Variants in ATP8A1 observed in about 807,000 individuals in gnomAD.
The protein encoded by ATP8A1 is ATPase phospholipid transporting 8A1.
ATP8A1 carries 90 observed loss-of-function variants against 177.7 expected under a neutral mutation model. The ratio of observed to expected loss-of-function variants is 0.51; its 90% CI spans 0.43 to 0.60. The LOEUF is 0.60. Among genes scored for constraint, ATP8A1 ranks in the 20% least tolerant of loss-of-function variants. ATP8A1 has a pLI of 0.00. For synonymous variants in ATP8A1, 493 were observed against 485.9 expected, an observed-to-expected ratio of 1.01 and a Z score of -0.19; for missense variants, 1,072 against 1,392.8, an observed-to-expected ratio of 0.77 and a Z score of 3.67.
At chr4:42,555,215 C>CCCA (rs1730074577) in intron 16 of ATP8A1, among the ~76,000 whole-genome samples, 1 of 125,730 alleles carries the variant, frequency 8.0e-6, no homozygotes, top group African/African-American at 2.8e-5. Flanking sequence ...GTTCTGCCCC[C>CCCA]CCCTAGAGAA....
chr4:42,548,359 G>A (rs1192837935), intron 19 of ATP8A1, among the ~76,000 whole-genome samples: 5 of 152,108 alleles, frequency 3.3e-5, no homozygotes, highest in South Asian at 2.1e-4. Context: ...GGCCGTATAC[G>A]CTGGGCTTGT....
At chr4:42,447,208 C>T (rs900748708) in intron 30 of ATP8A1, among the ~76,000 whole-genome samples, 6 of 152,008 alleles carry the variant, frequency 3.9e-5, no homozygotes, top group Non-Finnish European at 8.8e-5. Flanking sequence ...TTTTTTTAGA[C>T]GGTCTTACTT....
intron 25 of ATP8A1, among the ~76,000 whole-genome samples, chr4:42,475,320 G>A (rs537891110): frequency 6.6e-6 from 1 of 152,126 alleles, no homozygotes; most frequent in South Asian, 2.1e-4. Context: ...TGGCTAATTT[G>A]TAATTTTTTT....
intron 14 of ATP8A1, among the ~76,000 whole-genome samples, chr4:42,573,030 G>A (rs1382618201): frequency 1.3e-5 from 2 of 152,172 alleles, no homozygotes; most frequent in African/African-American, 4.8e-5. Flanking sequence ...ACACAGATGG[G>A]CACTGCTCTT....
intron 33 of ATP8A1, among the ~76,000 whole-genome samples, chr4:42,430,945 AC>A (rs1715222463): frequency 6.7e-6 from 1 of 150,264 alleles, no homozygotes; most frequent in African/African-American, 2.5e-5. Flanking sequence ...ACAGCACCCC[AC>A]CCCACCCCAT....
chr4:42,541,029 G>T (rs2153205670), intron 20 of ATP8A1, among the ~76,000 whole-genome samples: 1 of 152,202 alleles, frequency 6.6e-6, no homozygotes, highest in African/African-American at 2.4e-5. Flanking sequence ...ACAAGGCTGA[G>T]ACAGGAGGAT....
chr4:42,590,769 G>C (rs1158511372), intron 7 of ATP8A1, 42 bp downstream of exon 7: 1 of 1,573,040 alleles, frequency 6.4e-7, no homozygotes, highest in Non-Finnish European at 8.7e-7. Context: ...TTTACGGTGA[G>C]GACCCACATA....
At chr4:42,609,020 G>C (rs148510159) in intron 5 of ATP8A1, among the ~76,000 whole-genome samples, 22 of 152,242 alleles carry the variant, frequency 1.4e-4, no homozygotes, top group South Asian at 4.1e-4. Context: ...CAGGGGCTTG[G>C]CTGAACCATT....
chr4:42,507,379 G>A (rs1180283961), intron 22 of ATP8A1, among the ~76,000 whole-genome samples: 1 of 151,984 alleles, frequency 6.6e-6, no homozygotes, highest in Non-Finnish European at 1.5e-5. Context: ...CAACCCCTAA[G>A]GTAAGGAACA....
chr4:42,461,341 C>T (rs1719129745), intron 27 of ATP8A1, among the ~76,000 whole-genome samples: 1 of 146,524 alleles, frequency 6.8e-6, no homozygotes, highest in African/African-American at 2.5e-5. Context: ...CAAATCTCAT[C>T]TTGAATTCCC....
At chr4:42,626,914 G>T in intron 2 of ATP8A1, 81 bp downstream of exon 2, 1 of 1,036,410 alleles carries the variant, frequency 9.6e-7, no homozygotes, top group Non-Finnish European at 1.5e-6. Flanking sequence ...TGCACTGAAA[G>T]CTCTTTGCAA....
At chr4:42,477,079 G>A (rs1721145488) in intron 25 of ATP8A1, among the ~76,000 whole-genome samples, 1 of 152,188 alleles carries the variant, frequency 6.6e-6, no homozygotes, top group African/African-American at 2.4e-5. Flanking sequence ...CAGCTATGAT[G>A]TGAAGGCTGG....
At chr4:42,608,382 C>A (rs1483296963) in intron 5 of ATP8A1, among the ~76,000 whole-genome samples, 1 of 106,094 alleles carries the variant, frequency 9.4e-6, no homozygotes, top group African/African-American at 2.9e-5. Context: ...TTTTTGGAGA[C>A]AGAGTCTCGC....
At chr4:42,629,070 G>T (rs1738436499) in intron 1 of ATP8A1, among the ~76,000 whole-genome samples, 1 of 152,178 alleles carries the variant, frequency 6.6e-6, no homozygotes, top group Admixed American at 6.5e-5. Context: ...ATTGGATACT[G>T]CATCTCCCCC....
At chr4:42,431,155 G>A (rs1386215474) in intron 33 of ATP8A1, among the ~76,000 whole-genome samples, 1 of 152,078 alleles carries the variant, frequency 6.6e-6, no homozygotes, top group Non-Finnish European at 1.5e-5. Flanking sequence ...TAACGACTAA[G>A]TTACTAAGTT....
At chr4:42,438,017 G>A (rs1199185940) in intron 33 of ATP8A1, among the ~76,000 whole-genome samples, 2 of 152,056 alleles carry the variant, frequency 1.3e-5, no homozygotes, top group Non-Finnish European at 2.9e-5. Context: ...TCATCAACCA[G>A]ATGGAACTAA....
chr4:42,555,694 G>A (rs754741851), intron 16 of ATP8A1, among the ~76,000 whole-genome samples: 1 of 152,002 alleles, frequency 6.6e-6, no homozygotes, highest in Non-Finnish European at 1.5e-5. Flanking sequence ...GTGGTGGCGA[G>A]TGCCTGTAAT....
intron 6 of ATP8A1, among the ~76,000 whole-genome samples, chr4:42,600,210 T>G (rs553533779): frequency 3.3e-5 from 5 of 152,146 alleles, no homozygotes; most frequent in African/African-American, 1.2e-4. Flanking sequence ...AAACAGTTCA[T>G]GGTTAAATAA....
intron 4 of ATP8A1, among the ~76,000 whole-genome samples, chr4:42,616,356 C>T (rs183937493): frequency 1.3e-4 from 20 of 152,056 alleles, no homozygotes; most frequent in African/African-American, 4.4e-4. Context: ...GATCTTACCT[C>T]GGCACATAGG....
Sources: allele counts gnomAD v4.1 joint callset (sites outside exome capture counted in the v4.1 genomes callset), GRCh38; gene constraint gnomAD v4.1.1; transcripts MANE v1.5; gene names NCBI Gene and HGNC (gene_info 2026-07-23, HGNC 2026-07-21).